Variants in STXBP3 observed in about 807,000 individuals in gnomAD.
STXBP3 encodes syntaxin binding protein 3, also known as syntaxin-binding protein 3.
STXBP3 carries 41 observed loss-of-function variants against 85.7 expected under a neutral mutation model. The observed-to-expected ratio is 0.48, with a 90% CI of 0.37 to 0.62. The LOEUF (loss-of-function observed/expected upper bound fraction) is 0.62. Ranked by LOEUF, STXBP3 falls within the 20% of genes least tolerant of loss-of-function variation. STXBP3 has a pLI of 0.00. For synonymous variants in STXBP3, 229 were observed against 231.7 expected (o/e 0.99, Z 0.10); for missense variants, 563 against 703.1 (o/e 0.80, Z 2.25).
Position 108,796,296 on chromosome 1 carries a change from T to C in STXBP3, c.1173T>C (p.Leu391=). The change falls in exon 14 of 19, where the codon CTT becomes CTC. Residue 391 remains leucine, a synonymous_variant. Coordinates refer to ENST00000370008, the MANE Select transcript of STXBP3 (RefSeq NM_007269.4). ...TGAAAGATTCCATGCGAGTACTCCT[T>C]CCAGTTCTACTCAACAAAAATCATG... ...QKVKDSMRVL[L]PVLLNKNHDN... is the part of the protein sequence containing the mutation. The C allele has an allele frequency of 6.2e-7, 1 of 1,613,246 alleles. No individual in the cohort carries two copies. Among genetic ancestry groups the C allele is most frequent in the Non-Finnish European group, 8.5e-7 (1 of 1,179,266 alleles).
At chr1:108,799,141 A>G (rs1663176743) in intron 16 of STXBP3, among the ~76,000 whole-genome samples, 2 of 152,132 alleles carry the variant, frequency 1.3e-5, no homozygotes, top group Non-Finnish European at 2.9e-5. Context: ...CCCAGTTTAT[A>G]CTTTCTTTGG....
chr1:108,757,873 T>C (rs1184724633), intron 4 of STXBP3, among the ~76,000 whole-genome samples: 2 of 152,072 alleles, frequency 1.3e-5, no homozygotes, highest in Non-Finnish European at 2.9e-5. Flanking sequence ...GAATGAAATA[T>C]ATGAATAAAA....
chr1:108,782,577 T>C, intron 10 of STXBP3, 60 bp downstream of exon 10: 1 of 1,599,636 alleles, frequency 6.3e-7, no homozygotes, highest in African/African-American at 1.3e-5. Flanking sequence ...GATAGTACAT[T>C]TTGTAACCTT....
At chr1:108,800,611 G>A (rs1663214216) in intron 17 of STXBP3, among the ~76,000 whole-genome samples, 1 of 152,122 alleles carries the variant, frequency 6.6e-6, no homozygotes, top group Non-Finnish European at 1.5e-5. Context: ...AAAAGATACA[G>A]AGAATGTTAC....
intron 9 of STXBP3, chr1:108,780,413 T>C (rs976058561): frequency 1.3e-5 from 2 of 152,160 alleles, no homozygotes; most frequent in African/African-American, 4.8e-5. Flanking sequence ...AACTTTTAAG[T>C]AGACTTATTT....
rs1282222844 is a variant in STXBP3 at position 108,807,613 on chromosome 1, G to A, written c.1684+64G>A. On this transcript the variant is annotated intron_variant, in intron 18 of 18. Transcript: ENST00000370008. ...TTTTTTGAGACTAAGTCTCGGTCTT[G>A]TCCCCCAGGCTGGAGTGGAATGGCG... 9 of 1,472,316 alleles carry A rather than the reference G, an allele frequency of 6.1e-6. No homozygotes were observed. In the African/African-American group the frequency reaches 8.2e-5, roughly 13 times the overall value. 91.2% of individuals were successfully genotyped at this position (1,472,316 alleles called of 1,614,324 possible).
intron 11 of STXBP3, among the ~76,000 whole-genome samples, chr1:108,792,424 T>C (rs1377845077): frequency 6.6e-6 from 1 of 152,232 alleles, no homozygotes; most frequent in Non-Finnish European, 1.5e-5. Context: ...GCATGTAATA[T>C]GTTTATACGT....
Position 108,808,855 on chromosome 1 carries a change from T to C in STXBP3, c.1757T>C (p.Val586Ala). 2 of 1,610,770 alleles carry C rather than the reference T, an allele frequency of 1.2e-6. No individual in the cohort carries two copies. The highest frequency in any genetic ancestry group is 1.7e-6 in the Non-Finnish European group (2 of 1,178,678). The change falls in exon 19 of 19, where the codon GTC becomes GCC. Residue 586 changes from valine (V) to alanine (A), a missense_variant. By Grantham distance (64) the Val-to-Ala change is moderately conservative. Transcript: ENST00000370008. The stretch of plus-strand genomic sequence containing the variant: ...ATGCTGAATAAACCCAAGGATAAAG[T>C]CTCCTTAATTAAAGATGAATAGCAT... ...IKMLNKPKDK[V>A]SLIKDE is the part of the protein sequence containing the mutation.
chr1:108,799,080 T>G lies in STXBP3; in HGVS notation c.1449+843T>G, dbSNP rs74620455. Among the ~76,000 whole-genome samples the G allele has an allele frequency of 6.0e-3, 918 of 152,326 alleles. 9 individuals carry two copies. Among genetic ancestry groups the G allele is most frequent in the African/African-American group, 0.021 (877 of 41,566 alleles). The stretch of plus-strand genomic sequence containing the variant: ...AGCTTAATAAAATCATGACACTGAT[T>G]CTTCGGTCATGATCATATAGTTTTT... On this transcript the variant is annotated intron_variant, in intron 16 of 18. Coordinates refer to ENST00000370008, the MANE Select transcript of STXBP3 (RefSeq NM_007269.4).
rs779957076 is a variant in STXBP3, at chr1:108,793,623, C to G, written c.1005C>G (p.Pro335=). 1.2e-6 allele frequency: 2 copies of G among 1,611,894 alleles called. No individual in the cohort carries two copies. Among genetic ancestry groups the G allele is most frequent in the East Asian group, 4.5e-5 (2 of 44,722 alleles). Residue 335 remains proline, a synonymous_variant, in exon 12 of 19, where the codon CCC becomes CCG. Coordinates refer to ENST00000370008, the MANE Select transcript of STXBP3 (RefSeq NM_007269.4). ...SALTQLMKKM[P]HFRKQITKQV... is the part of the protein sequence containing the mutation. Reference sequence around the variant, plus strand: ...TTACCCAGCTGATGAAAAAGATGCCCCATTTCCGAAAACAGATTACTAAGG... The same window carrying G: ...TTACCCAGCTGATGAAAAAGATGCCGCATTTCCGAAAACAGATTACTAAGG...
intron 3 of STXBP3, among the ~76,000 whole-genome samples, chr1:108,753,672 TAAG>T (rs1212765405): frequency 6.6e-6 from 1 of 152,152 alleles, no homozygotes. Flanking sequence ...CATAATGTCA[TAAG>T]AAGTTATCTT....
chr1:108,785,750 T>C (rs1662813228), intron 11 of STXBP3, among the ~76,000 whole-genome samples: 2 of 152,190 alleles, frequency 1.3e-5, no homozygotes, highest in African/African-American at 4.8e-5. Context: ...CAGATAACCC[T>C]AAATCATCTC....
chr1:108,807,257 CAAAAAAAAAA>C (rs201346701), intron 17 of STXBP3, 134 bp from the exon 18 acceptor site: 78 of 699,700 alleles, frequency 1.1e-4, no homozygotes, highest in Middle Eastern at 4.8e-4. Flanking sequence ...GACTCCACCT[CAAAAAAAAAA>C]AAAAAAAAAA....
intron 13 of STXBP3, among the ~76,000 whole-genome samples, chr1:108,795,515 C>G (rs1663071264): frequency 6.6e-6 from 1 of 150,684 alleles, no homozygotes; most frequent in African/African-American, 2.4e-5. Context: ...AAAAAAAAAA[C>G]TTTGACAACC....
rs1403323695 is a variant in STXBP3, at chr1:108,771,711, ATATATGATAT to A, written c.439-953_439-944del. On this transcript the variant is annotated intron_variant, in intron 6 of 18. Coordinates refer to ENST00000370008, the MANE Select transcript of STXBP3 (RefSeq NM_007269.4). The stretch of plus-strand genomic sequence containing the variant: ...CTATCTATATATATCATATATAAAT[ATATATGATAT>A]CTATCTATATATATCATATATAAAT... 2.2e-4 allele frequency among the ~76,000 whole-genome samples: 4 copies of A among 18,090 alleles called. 1 individual carries two copies. In the Admixed American group the frequency reaches 2.5e-3, roughly 11 times the overall value. The allele number at this position is 18,090 out of a possible 152,430, so 11.9% of individuals were successfully genotyped here.
At chr1:108,802,844 G>T (rs1409767629) in intron 17 of STXBP3, among the ~76,000 whole-genome samples, 2 of 152,126 alleles carry the variant, frequency 1.3e-5, no homozygotes, top group Admixed American at 1.3e-4. Flanking sequence ...GTGTCATATT[G>T]TGTGTCCTCC....
At chr1:108,796,486 C>T (rs566052261) in intron 14 of STXBP3, 114 bp downstream of exon 14, 15 of 1,158,718 alleles carry the variant, frequency 1.3e-5, no homozygotes, top group Non-Finnish European at 1.6e-5. Context: ...AATATGAAAT[C>T]GAGAGAAGAC....
intron 9 of STXBP3, 65 bp from the exon 10 acceptor site, chr1:108,782,357 A>C (rs1216230547): frequency 3.3e-6 from 4 of 1,223,600 alleles, no homozygotes. Flanking sequence ...TTGTTTGTAA[A>C]AATGTTTCTT....
intron 14 of STXBP3, 98 bp downstream of exon 14, chr1:108,796,470 A>G: frequency 8.3e-7 from 1 of 1,205,562 alleles, no homozygotes; most frequent in Non-Finnish European, 1.2e-6. Flanking sequence ...TTAAGATAAA[A>G]GGGAAAATAT....
Sources: gnomAD v4.1 joint callset for allele counts (sites outside exome capture counted in the v4.1 genomes callset) on GRCh38, gnomAD v4.1.1 for gene constraint, MANE v1.5 for transcripts, NCBI Gene and HGNC (gene_info 2026-07-23, HGNC 2026-07-21) for gene names.